The following E2F3 variants were observed in gnomAD, a reference collection of about 807,000 sequenced individuals.
The protein encoded by E2F3 is E2F transcription factor 3, also known as transcription factor E2F3.
In E2F3, 11 loss-of-function variants were observed where a neutral mutation model predicts 44.4. The observed-to-expected ratio is 0.25, with a 90% CI of 0.16 to 0.41. The LOEUF is 0.41. Ranked by LOEUF, E2F3 falls within the 10% of genes least tolerant of loss-of-function variation. The pLI is 1.00. For synonymous variants in E2F3, 249 were observed against 253.0 expected (o/e 0.98, Z 0.15); for missense variants, 487 against 583.6 (o/e 0.83, Z 1.70).
At chr6:20,461,087 C>T (rs1386896210) in intron 1 of E2F3, among the ~76,000 whole-genome samples, 1 of 150,866 alleles carries the variant, frequency 6.6e-6, no homozygotes, top group African/African-American at 2.4e-5. Context: ...TACTAAGTCT[C>T]ATGCCCATTC....
intron 1 of E2F3, among the ~76,000 whole-genome samples, chr6:20,471,454 C>T (rs937275719): frequency 2.0e-5 from 3 of 152,014 alleles, no homozygotes; most frequent in Middle Eastern, 3.2e-3. Flanking sequence ...TGGTGGTGCA[C>T]GCCTGTAATC....
intron 1 of E2F3, among the ~76,000 whole-genome samples, chr6:20,453,878 A>T (rs1319578989): frequency 6.6e-6 from 1 of 152,164 alleles, no homozygotes; most frequent in Non-Finnish European, 1.5e-5. Context: ...TTTTGGAAAG[A>T]ATGTTTCAGT....
At chr6:20,475,083 G>C (rs140602907) in intron 1 of E2F3, among the ~76,000 whole-genome samples, 5 of 152,224 alleles carry the variant, frequency 3.3e-5, no homozygotes, top group African/African-American at 1.2e-4. Context: ...TATTTCTGGC[G>C]TGGCTTTTGG....
chr6:20,452,656 A>T (rs1439667968), intron 1 of E2F3, among the ~76,000 whole-genome samples: 1 of 152,192 alleles, frequency 6.6e-6, no homozygotes, highest in Non-Finnish European at 1.5e-5. Context: ...AGATGTTTAA[A>T]GGCCATTTGT....
At chr6:20,462,696 A>G (rs376251214) in intron 1 of E2F3, among the ~76,000 whole-genome samples, 4 of 151,624 alleles carry the variant, frequency 2.6e-5, no homozygotes, top group South Asian at 4.2e-4. Context: ...GACCTCAGGT[A>G]ATCCGCCCAC....
rs543504487 is a variant in E2F3, at chr6:20,491,755, A to C, written c.*1325A>C. 6.1e-5 allele frequency: 11 copies of C among 181,294 alleles called. No homozygotes were observed. Among genetic ancestry groups the C allele is most frequent in the African/African-American group, 2.4e-4 (10 of 42,522 alleles). The allele number at this position is 181,294 out of a possible 1,614,324, so 11.2% of individuals were successfully genotyped here. ...GTCGGGGGCTGGAATAGTTCTGGCCAGACCCCGTTCCCCTTCCTCTATGAA... is the reference window on the plus strand; with the variant it reads ...GTCGGGGGCTGGAATAGTTCTGGCCCGACCCCGTTCCCCTTCCTCTATGAA... On this transcript the variant is annotated 3_prime_UTR_variant, in exon 7 of 7. Coordinates refer to ENST00000346618, the MANE Select transcript of E2F3 (RefSeq NM_001949.5).
chr6:20,424,633 TA>T (rs1464414683), intron 1 of E2F3, among the ~76,000 whole-genome samples: 1 of 152,188 alleles, frequency 6.6e-6, no homozygotes, highest in Non-Finnish European at 1.5e-5. Flanking sequence ...TGTTCATGCT[TA>T]CTTGCATTTT....
chr6:20,451,996 C>G (rs1350215546), intron 1 of E2F3, among the ~76,000 whole-genome samples: 1 of 152,130 alleles, frequency 6.6e-6, no homozygotes, highest in East Asian at 1.9e-4. Context: ...AGATGTTCAT[C>G]AAGGATATTG....
At position 20,401,909 on chromosome 6, in the gene E2F3, AT is replaced by A; in HGVS notation, c.-319del. On this transcript the variant is annotated 5_prime_UTR_variant, in exon 1 of 7. Transcript: ENST00000346618. ...TTGTCAGCAGCAGCTTCCTGGAGCC[AT>A]TTTTCAGCTGCCGGCCGCAGCACCC... 2.6e-5 allele frequency: 10 copies of A among 390,904 alleles called. No homozygotes were observed. Among genetic ancestry groups the A allele is most frequent in the South Asian group, 5.1e-5 (1 of 19,764 alleles). The allele number at this position is 390,904 out of a possible 1,614,324, so 24.2% of individuals were successfully genotyped here. A position where few individuals can be genotyped will look rare whatever the true frequency, so the allele number is the denominator to read the frequency against.
chr6:20,402,610 C>T lies in E2F3; in HGVS notation c.378C>T (p.Gly126=). ...CGCTGGGACGCGGCGGCAGCGGCGGCGGCGGCGGCCCTCCGGTAATACCCT... is the reference window on the plus strand; with the variant it reads ...CGCTGGGACGCGGCGGCAGCGGCGGTGGCGGCGGCCCTCCGGTAATACCCT... ...PPALGRGGSG[G]GGGPPAKRRL... is the part of the protein sequence containing the mutation. The change falls in exon 1 of 7, where the codon GGC becomes GGT. Residue 126 remains glycine (G), a synonymous_variant. Transcript: ENST00000346618. The surrounding 1 kb of genome is among the most constrained non-coding windows in gnomAD (Gnocchi z 5.6). The T allele has an allele frequency of 7.5e-7, 1 of 1,337,094 alleles. No homozygotes were observed. The highest frequency in any genetic ancestry group is 2.0e-5 in the South Asian group (1 of 49,842). The allele number at this position is 1,337,094 out of a possible 1,614,324, so 82.8% of individuals were successfully genotyped here. A position where few individuals can be genotyped will look rare whatever the true frequency, so the allele number is the denominator to read the frequency against.
intron 1 of E2F3, among the ~76,000 whole-genome samples, chr6:20,410,775 C>A (rs997337138): frequency 6.6e-6 from 1 of 152,170 alleles, no homozygotes; most frequent in African/African-American, 2.4e-5. Flanking sequence ...TGCGCCACCA[C>A]GCCCAGCTAA....
intron 1 of E2F3, among the ~76,000 whole-genome samples, chr6:20,424,210 G>GGTGT (rs57286350): frequency 0.092 from 12,626 of 136,736 alleles, 616 homozygotes; most frequent in Non-Finnish European, 0.11. Context: ...TCAGTGGAAG[G>GGTGT]GTGTGTGTGT....
chr6:20,480,808 G>A lies in E2F3; in HGVS notation c.506-398G>A, dbSNP rs115591725. ...AGACCTTGTCCTGCAGTGCTAGTGA[G>A]ACTCATAGCCTGGCTCCATCACCGT... On this transcript the variant is annotated intron_variant, in intron 2 of 6. Transcript: ENST00000346618. 3.3e-3 allele frequency among the ~76,000 whole-genome samples: 505 copies of A among 152,316 alleles called. 3 individuals carry two copies. Among genetic ancestry groups the A allele is most frequent in the African/African-American group, 8.5e-3 (352 of 41,574 alleles).
At chr6:20,472,066 ACACT>A (rs750427385) in intron 1 of E2F3, among the ~76,000 whole-genome samples, 9 of 148,170 alleles carry the variant, frequency 6.1e-5, no homozygotes, top group African/African-American at 2.2e-4. Flanking sequence ...ACACACACAC[ACACT>A]CACATCTATC....
Position 20,490,054 on chromosome 6 carries a change from CATT to C in E2F3, c.1136-110_1136-108del. 8.3e-7 allele frequency: 1 copy of C among 1,198,062 alleles called. No homozygotes were observed. 74.2% of individuals were successfully genotyped at this position (1,198,062 alleles called of 1,614,324 possible). ...CTGCATCATAAAGTCGTCTCATTGT[CATT>C]ATTTGCGGAAGGTACATGCTTTTTT... On this transcript the variant is annotated intron_variant, in intron 6 of 6. Transcript: ENST00000346618. The surrounding 1 kb of genome is among the most constrained non-coding windows in gnomAD (Gnocchi z 4.3).
intron 1 of E2F3, among the ~76,000 whole-genome samples, chr6:20,441,479 A>G (rs1198623728): frequency 6.6e-6 from 1 of 152,158 alleles, no homozygotes; most frequent in Non-Finnish European, 1.5e-5. Context: ...GATGTATGAG[A>G]GTATCTTCTG....
intron 1 of E2F3, among the ~76,000 whole-genome samples, chr6:20,418,177 C>T (rs76297168): frequency 0.034 from 5,177 of 152,244 alleles, 283 homozygotes; most frequent in African/African-American, 0.11. Context: ...AAATCCAGCA[C>T]TGGGGACCGA....
At chr6:20,416,725 G>A (rs1759858586) in intron 1 of E2F3, among the ~76,000 whole-genome samples, 1 of 152,146 alleles carries the variant, frequency 6.6e-6, no homozygotes, top group African/African-American at 2.4e-5. Flanking sequence ...AAAGAAAGGA[G>A]TAGGGGGAAA....
chr6:20,452,922 C>A (rs1270868408), intron 1 of E2F3, among the ~76,000 whole-genome samples: 2 of 152,130 alleles, frequency 1.3e-5, no homozygotes, highest in Non-Finnish European at 2.9e-5. Flanking sequence ...CCACTGTACT[C>A]CAGCCTGGTG....
Sources: gnomAD v4.1 joint callset for allele counts (sites outside exome capture counted in the v4.1 genomes callset) on GRCh38, gnomAD v4.1.1 for gene constraint, Gnocchi (gnomAD v3.1) non-coding constraint, MANE v1.5 for transcripts, NCBI Gene and HGNC (gene_info 2026-07-23, HGNC 2026-07-21) for gene names.